CHST8: variants seen among roughly 807,000 people sequenced by gnomAD.
CHST8 encodes the protein carbohydrate sulfotransferase 8.
A neutral mutation model predicts 15.0 loss-of-function variants in CHST8; 10 were observed. The ratio of observed to expected loss-of-function variants is 0.67; its 90% CI spans 0.41 to 1.13. The LOEUF is 1.13. Among genes scored for constraint, CHST8 ranks in the 50% most tolerant of loss-of-function variants. The pLI is 0.00. For synonymous variants in CHST8, 259 were observed against 256.6 expected (o/e 1.01, Z -0.09); for missense variants, 634 against 608.2 (o/e 1.04, Z -0.45).
intron 1 of CHST8, among the ~76,000 whole-genome samples, chr19:33,630,655 G>C (rs918086964): frequency 6.6e-6 from 1 of 150,912 alleles, no homozygotes; most frequent in Non-Finnish European, 1.5e-5. Context: ...CTACGATGAC[G>C]GAGCCAGCAC....
chr19:33,738,076 A>G (rs1399645771), intron 3 of CHST8, among the ~76,000 whole-genome samples: 1 of 152,200 alleles, frequency 6.6e-6, no homozygotes, highest in African/African-American at 2.4e-5. Context: ...CTTGATGAGG[A>G]TATGACATGC....
At chr19:33,632,137 CTCTTTT>C (rs1459158123) in intron 1 of CHST8, among the ~76,000 whole-genome samples, 5 of 132,782 alleles carry the variant, frequency 3.8e-5, no homozygotes, top group East Asian at 2.1e-4. Flanking sequence ...CTCTCTCTCT[CTCTTTT>C]TTTTTTTTTT....
At chr19:33,680,015 G>A (rs889080502) in intron 2 of CHST8, among the ~76,000 whole-genome samples, 27 of 152,106 alleles carry the variant, frequency 1.8e-4, no homozygotes, top group Middle Eastern at 3.2e-3. Flanking sequence ...AATCCACTCC[G>A]GAGCCCACCA....
At chr19:33,625,333 G>C (rs1044657645) in intron 1 of CHST8, among the ~76,000 whole-genome samples, 1 of 122,276 alleles carries the variant, frequency 8.2e-6, no homozygotes, top group African/African-American at 2.6e-5. Context: ...CGCCCACCTT[G>C]GCCTCCCAGA....
At chr19:33,684,500 A>C (rs1019508596) in intron 2 of CHST8, 2 of 152,364 alleles carry the variant, frequency 1.3e-5, no homozygotes, top group Admixed American at 6.5e-5. Context: ...AGAGCATTGC[A>C]ACTTTATGCC....
intron 3 of CHST8, among the ~76,000 whole-genome samples, chr19:33,765,513 T>TTGTG (rs61673440): frequency 0.036 from 4,764 of 131,100 alleles, 217 homozygotes; most frequent in African/African-American, 0.092. Context: ...ATGCCAGTCT[T>TTGTG]TGTGTGTGTG....
chr19:33,750,870 G>C (rs1440648502), intron 3 of CHST8, among the ~76,000 whole-genome samples: 1 of 151,744 alleles, frequency 6.6e-6, no homozygotes, highest in African/African-American at 2.4e-5. Context: ...GCTCACCACT[G>C]GTACCCCTCA....
chr19:33,669,729 A>G lies in CHST8; in HGVS notation c.-87+1886A>G, dbSNP rs570600483. Among the ~76,000 whole-genome samples the G allele has an allele frequency of 7.2e-5, 11 of 152,298 alleles. No individual in the cohort carries two copies. In the South Asian group the frequency reaches 1.5e-3, roughly 20 times the overall value. ...TGAAGGCAGCCTGGAGTGCCAAACT[A>G]TTAACTTAGTGAGGGTGGCAGGCTT... On this transcript the variant is annotated intron_variant, in intron 2 of 4. Transcript: ENST00000650847.
chr19:33,629,638 TG>T (rs1972098146), intron 1 of CHST8, among the ~76,000 whole-genome samples: 1 of 152,232 alleles, frequency 6.6e-6, no homozygotes, highest in African/African-American at 2.4e-5. Context: ...CCCATGCTGC[TG>T]GCTGCAGGCC....
intron 3 of CHST8, among the ~76,000 whole-genome samples, chr19:33,704,233 A>C (rs1973399411): frequency 1.3e-5 from 2 of 152,212 alleles, no homozygotes; most frequent in Admixed American, 1.3e-4. Flanking sequence ...GTGCTTCACC[A>C]TGGGAAGGCT....
intron 3 of CHST8, among the ~76,000 whole-genome samples, chr19:33,766,972 CT>C (rs1568363372): frequency 6.6e-6 from 1 of 152,262 alleles, no homozygotes; most frequent in Non-Finnish European, 1.5e-5. Context: ...GGACCTGGGA[CT>C]GGCATGGCCG....
chr19:33,757,523 A>AAG (rs1568358769), intron 3 of CHST8, among the ~76,000 whole-genome samples: 1 of 13,394 alleles, frequency 7.5e-5, no homozygotes. Context: ...AGAAAGAAAG[A>AAG]GAAAGAAAGA....
At chr19:33,709,954 T>A (rs61366309) in intron 3 of CHST8, among the ~76,000 whole-genome samples, 43,015 of 151,926 alleles carry the variant, frequency 0.28, 7,930 homozygotes, top group African/African-American at 0.53. Context: ...GACTACAGGT[T>A]CATGCCACTA....
At chr19:33,625,230 C>T (rs552390023) in intron 1 of CHST8, among the ~76,000 whole-genome samples, 2 of 151,356 alleles carry the variant, frequency 1.3e-5, no homozygotes, top group East Asian at 3.9e-4. Flanking sequence ...GGATTACAGG[C>T]ATGCGCCACC....
chr19:33,759,630 C>A (rs534588959), intron 3 of CHST8, among the ~76,000 whole-genome samples: 20 of 152,348 alleles, frequency 1.3e-4, no homozygotes, highest in Non-Finnish European at 2.4e-4. Flanking sequence ...CCCCTGATCC[C>A]CTAATTCCCT....
intron 3 of CHST8, among the ~76,000 whole-genome samples, chr19:33,748,273 C>T (rs1287710300): frequency 6.6e-6 from 1 of 152,264 alleles, no homozygotes; most frequent in African/African-American, 2.4e-5. Context: ...ATTATCATCT[C>T]CACTCTCCAA....
intron 2 of CHST8, among the ~76,000 whole-genome samples, chr19:33,676,831 CAT>C (rs1277159510): frequency 6.6e-6 from 1 of 151,224 alleles, no homozygotes; most frequent in Non-Finnish European, 1.5e-5. Flanking sequence ...GAGCCATGAT[CAT>C]ACCACTGCAC....
At chr19:33,757,038 C>T (rs1056909794) in intron 3 of CHST8, among the ~76,000 whole-genome samples, 1 of 152,126 alleles carries the variant, frequency 6.6e-6, no homozygotes, top group Non-Finnish European at 1.5e-5. Flanking sequence ...CCTGGTCAGC[C>T]CACATGGCCC....
At chr19:33,653,921 T>C (rs1169467301) in intron 1 of CHST8, among the ~76,000 whole-genome samples, 1 of 152,210 alleles carries the variant, frequency 6.6e-6, no homozygotes, top group Admixed American at 6.5e-5. Flanking sequence ...TTAGTGTAAG[T>C]GATCCGGAAG....
Sources: gnomAD v4.1 joint callset for allele counts (sites outside exome capture counted in the v4.1 genomes callset) on GRCh38, gnomAD v4.1.1 for gene constraint, MANE v1.5 for transcripts, NCBI Gene and HGNC (gene_info 2026-07-23, HGNC 2026-07-21) for gene names.